Variants in SNTG1 observed in about 807,000 individuals in gnomAD.
The protein encoded by SNTG1 is syntrophin gamma 1.
SNTG1 carries 39 observed loss-of-function variants against 74.7 expected under a neutral mutation model. The observed-to-expected ratio is 0.52, with a 90% CI of 0.40 to 0.68. The LOEUF is 0.68. Ranked by LOEUF, SNTG1 falls within the 30% of genes least tolerant of loss-of-function variation. The probability of loss-of-function intolerance (pLI) is 0.00; values close to 1 mark genes in which losing one functional copy is unlikely to be tolerated. For synonymous variants in SNTG1, 254 were observed against 217.1 expected, an observed-to-expected ratio of 1.17 and a Z score of -1.49; for missense variants, 685 against 609.5, an observed-to-expected ratio of 1.12 and a Z score of -1.30.
At chr8:49,946,009 T>C (rs1417496208) in intron 1 of SNTG1, among the ~76,000 whole-genome samples, 1 of 152,168 alleles carries the variant, frequency 6.6e-6, no homozygotes, top group Non-Finnish European at 1.5e-5. Context: ...TTTTACTAAC[T>C]AGGAAAACCA....
intron 13 of SNTG1, among the ~76,000 whole-genome samples, chr8:50,604,456 C>A (rs1234578777): frequency 2.0e-5 from 3 of 151,934 alleles, no homozygotes; most frequent in African/African-American, 4.8e-5. Context: ...TAGAAATATA[C>A]CTGGTGTTCT....
rs534094477 is a variant in SNTG1 at position 49,950,814 on chromosome 8, T to C, written c.-103+38583T>C. Among the ~76,000 whole-genome samples, 24 of 152,344 alleles carry C rather than the reference T, an allele frequency of 1.6e-4. No individual in the cohort carries two copies. The South Asian group carries it at 5.0e-3, about 32-fold the overall frequency. ...CCTTCACATCTGCTAAATGTGGCTA[T>C]ACCAAATGCTCCCCAGCTCTCCTCT... On this transcript the variant is annotated intron_variant, in intron 1 of 18. Coordinates refer to ENST00000642720, the MANE Select transcript of SNTG1 (RefSeq NM_018967.5).
Position 50,653,428 on chromosome 8 carries a change from T to TA in SNTG1, c.850-3474dup, listed in dbSNP as rs200645431. On this transcript the variant is annotated intron_variant, in intron 13 of 18. Coordinates refer to ENST00000642720, the MANE Select transcript of SNTG1 (RefSeq NM_018967.5). ...GCCTGGTTGATAGTGAGATACTGTC[T>TA]AAAAAAATATATTAGTAAAAACTTT... is the stretch of plus-strand genomic sequence containing the variant. Among the ~76,000 whole-genome samples the TA allele has an allele frequency of 5.5e-3, 842 of 152,188 alleles. 4 individuals carry two copies. The highest frequency in any genetic ancestry group is 0.02 in the African/African-American group (812 of 41,536).
At chr8:50,670,915 C>T (rs1290225686) in intron 15 of SNTG1, among the ~76,000 whole-genome samples, 2 of 151,644 alleles carry the variant, frequency 1.3e-5, no homozygotes, top group Non-Finnish European at 2.9e-5. Context: ...TGATCTTTGA[C>T]AAACCTGAGA....
At chr8:50,075,258 G>A (rs771884853) in intron 1 of SNTG1, among the ~76,000 whole-genome samples, 10 of 152,188 alleles carry the variant, frequency 6.6e-5, no homozygotes, top group Non-Finnish European at 1.0e-4. Context: ...AGGCCTGCCC[G>A]TGGGACTGAC....
chr8:50,721,329 T>C (rs2095487117), intron 17 of SNTG1, among the ~76,000 whole-genome samples: 1 of 152,206 alleles, frequency 6.6e-6, no homozygotes, highest in African/African-American at 2.4e-5. Flanking sequence ...CCTCTTCCCT[T>C]CCCACTGACA....
At chr8:50,156,626 G>T (rs76403686) in intron 1 of SNTG1, among the ~76,000 whole-genome samples, 1 of 151,840 alleles carries the variant, frequency 6.6e-6, no homozygotes, top group Non-Finnish European at 1.5e-5. Context: ...TTTCCTAGTT[G>T]TGCCCATGGA....
At chr8:50,641,506 A>C (rs1267424240) in intron 13 of SNTG1, among the ~76,000 whole-genome samples, 1 of 152,138 alleles carries the variant, frequency 6.6e-6, no homozygotes, top group Admixed American at 6.5e-5. Context: ...TTTAATGACC[A>C]ACACTTTCTG....
At chr8:50,463,604 T>C (rs972800347) in intron 8 of SNTG1, among the ~76,000 whole-genome samples, 2 of 152,236 alleles carry the variant, frequency 1.3e-5, no homozygotes, top group Admixed American at 1.3e-4. Context: ...TTAAAATATT[T>C]AGTAAACTAT....
In SNTG1 at chr8:50,793,644, T is replaced by C. The variant is rs1432790066; in HGVS notation, c.*815T>C. The C allele has an allele frequency of 6.6e-6, 1 of 151,912 alleles. No individual in the cohort carries two copies. Among genetic ancestry groups the C allele is most frequent in the African/African-American group, 2.4e-5 (1 of 41,428 alleles). 9.4% of individuals were successfully genotyped at this position (151,912 alleles called of 1,614,324 possible). A position where few individuals can be genotyped will look rare whatever the true frequency, so the allele number is the denominator to read the frequency against. ...GATTTGTATTTTACCTAATAAGATT[T>C]ATTATCAAATTAAAGTTTCATAAAT... is the stretch of plus-strand genomic sequence containing the variant. On this transcript the variant is annotated 3_prime_UTR_variant, in exon 19 of 19. Transcript: ENST00000642720.
At chr8:50,517,834 T>TA in intron 9 of SNTG1, among the ~76,000 whole-genome samples, 1 of 152,206 alleles carries the variant, frequency 6.6e-6, no homozygotes, top group East Asian at 1.9e-4. Context: ...CAAAGAGACT[T>TA]AGACTCCCAG....
At chr8:50,621,273 C>CA (rs1309971510) in intron 13 of SNTG1, among the ~76,000 whole-genome samples, 3 of 152,148 alleles carry the variant, frequency 2.0e-5, no homozygotes, top group African/African-American at 7.2e-5. Context: ...TTCACACTTT[C>CA]ATAGGCAAGA....
At chr8:50,206,948 T>G (rs1443809830) in intron 2 of SNTG1, among the ~76,000 whole-genome samples, 1 of 152,204 alleles carries the variant, frequency 6.6e-6, no homozygotes, top group African/African-American at 2.4e-5. Flanking sequence ...CTTTTTGACG[T>G]GCTGCTGGTT....
chr8:50,319,059 G>C (rs1316811429), intron 2 of SNTG1, among the ~76,000 whole-genome samples: 2 of 151,804 alleles, frequency 1.3e-5, no homozygotes, highest in African/African-American at 4.8e-5. Flanking sequence ...TATGTATACA[G>C]ATATATATAC....
At chr8:50,576,728 T>A (rs2094578741) in intron 12 of SNTG1, among the ~76,000 whole-genome samples, 1 of 152,054 alleles carries the variant, frequency 6.6e-6, no homozygotes, top group African/African-American at 2.4e-5. Context: ...GATACTATTA[T>A]AAATAAAAAT....
intron 11 of SNTG1, among the ~76,000 whole-genome samples, chr8:50,540,538 G>T (rs2094339103): frequency 6.6e-6 from 1 of 152,086 alleles, no homozygotes; most frequent in Non-Finnish European, 1.5e-5. Context: ...CTGATCCTCT[G>T]CATCATTCAT....
chr8:50,301,504 T>C (rs1036334073), intron 2 of SNTG1, among the ~76,000 whole-genome samples: 2 of 152,162 alleles, frequency 1.3e-5, no homozygotes, highest in Non-Finnish European at 2.9e-5. Flanking sequence ...AATGGTTTAT[T>C]TTAGTTCTTC....
At chr8:50,577,466 T>G (rs907427237) in intron 12 of SNTG1, among the ~76,000 whole-genome samples, 15 of 151,602 alleles carry the variant, frequency 9.9e-5, no homozygotes, top group East Asian at 1.9e-4. Context: ...TTTTTGTTTT[T>G]TTTTTTCTTC....
intron 1 of SNTG1, among the ~76,000 whole-genome samples, chr8:50,065,153 A>C (rs1820802463): frequency 6.6e-6 from 1 of 152,230 alleles, no homozygotes; most frequent in African/African-American, 2.4e-5. Flanking sequence ...ATGAGTCAAT[A>C]AAATAATCAA....
Sources: allele counts gnomAD v4.1 joint callset (sites outside exome capture counted in the v4.1 genomes callset), GRCh38; gene constraint gnomAD v4.1.1; transcripts MANE v1.5; gene names NCBI Gene and HGNC (gene_info 2026-07-23, HGNC 2026-07-21).